The following CDH4 variants were observed in gnomAD, a reference collection of about 807,000 sequenced individuals.
The protein encoded by CDH4 is cadherin-4.
Under a neutral mutation model 86.0 loss-of-function variants are expected in CDH4, and 33 were observed. The ratio of observed to expected loss-of-function variants is 0.38; its 90% confidence interval spans 0.29 to 0.51. The LOEUF (loss-of-function observed/expected upper bound fraction) is 0.51, where lower values mean the gene tolerates loss of function less well. Ranked by LOEUF, CDH4 falls within the 20% of genes least tolerant of loss-of-function variation. The pLI, the probability that CDH4 is intolerant of heterozygous loss-of-function variation, is 0.86. For synonymous variants in CDH4, 555 were observed against 549.4 expected (o/e 1.01, Z -0.14); for missense variants, 1,114 against 1,307.4 (o/e 0.85, Z 2.28).
intron 2 of CDH4, among the ~76,000 whole-genome samples, chr20:61,571,004 T>G (rs1019980496): frequency 2.6e-5 from 4 of 152,140 alleles, no homozygotes; most frequent in African/African-American, 9.7e-5. Flanking sequence ...TGTGTGGGGA[T>G]GCAGAGAGTG....
intron 4 of CDH4, among the ~76,000 whole-genome samples, chr20:61,806,584 C>T (rs557980899): frequency 6.6e-6 from 1 of 151,904 alleles, no homozygotes; most frequent in African/African-American, 2.4e-5. Context: ...CGCACACACA[C>T]ATGCAGTACC....
intron 15 of CDH4, among the ~76,000 whole-genome samples, chr20:61,935,841 G>A (rs1228271495): frequency 3.3e-5 from 5 of 152,104 alleles, no homozygotes; most frequent in South Asian, 2.1e-4. Flanking sequence ...AGCCAAGGTC[G>A]CACCACTGTA....
chr20:61,661,284 C>T (rs960034283), intron 2 of CDH4, among the ~76,000 whole-genome samples: 1 of 152,170 alleles, frequency 6.6e-6, no homozygotes, highest in Admixed American at 6.5e-5. Context: ...CTCTGCAGGG[C>T]CAGCTCAGCC....
chr20:61,817,076 A>G (rs949435165), intron 4 of CDH4, among the ~76,000 whole-genome samples: 9 of 152,356 alleles, frequency 5.9e-5, no homozygotes, highest in Admixed American at 1.3e-4. Flanking sequence ...GGCTGGGCAC[A>G]TGGCGACCCC....
chr20:61,314,726 A>G (rs894138657), intron 2 of CDH4, among the ~76,000 whole-genome samples: 1 of 152,108 alleles, frequency 6.6e-6, no homozygotes, highest in Admixed American at 6.6e-5. Flanking sequence ...ATCCCAATTT[A>G]TCTTCCCAGC....
At chr20:61,799,483 CACCTGTGCCCAGA>C (rs1979718780) in intron 4 of CDH4, among the ~76,000 whole-genome samples, 1 of 152,184 alleles carries the variant, frequency 6.6e-6, no homozygotes, top group African/African-American at 2.4e-5. Flanking sequence ...TAACCATTGG[CACCTGTGCCCAGA>C]GCCTGGGCCT....
intron 2 of CDH4, among the ~76,000 whole-genome samples, chr20:61,411,802 G>A (rs1016228184): frequency 6.6e-6 from 1 of 152,210 alleles, no homozygotes; most frequent in African/African-American, 2.4e-5. Flanking sequence ...AGAGTGGGCA[G>A]CTGGCCGGCA....
At chr20:61,745,094 T>C (rs1393088875) in intron 3 of CDH4, among the ~76,000 whole-genome samples, 1 of 152,164 alleles carries the variant, frequency 6.6e-6, no homozygotes, top group African/African-American at 2.4e-5. Context: ...TGAGATACGG[T>C]GAGCAAAGGA....
intron 2 of CDH4, among the ~76,000 whole-genome samples, chr20:61,528,592 G>A (rs1324719215): frequency 6.6e-6 from 1 of 151,768 alleles, no homozygotes; most frequent in Non-Finnish European, 1.5e-5. Flanking sequence ...AACGTAGAAA[G>A]ACCCCATCTC....
Position 61,753,917 on chromosome 20 carries a change from A to G in CDH4, c.396+10128A>G, listed in dbSNP as rs116322586. ...CCTCAGAACATGACTTAACTTGGAA[A>G]TAGGGGGTTTGCCGATGTAATTAGT... is the stretch of plus-strand genomic sequence containing the variant. On this transcript the variant is annotated intron_variant, in intron 3 of 15. Coordinates refer to ENST00000614565, the MANE Select transcript of CDH4 (RefSeq NM_001794.5). 3.0e-3 allele frequency among the ~76,000 whole-genome samples: 464 copies of G among 152,228 alleles called. 4 individuals carry two copies. The highest frequency in any genetic ancestry group is 0.011 in the African/African-American group (448 of 41,542).
intron 2 of CDH4, among the ~76,000 whole-genome samples, chr20:61,439,962 A>C (rs6061416): frequency 0.17 from 25,547 of 152,210 alleles, 2,239 homozygotes; most frequent in Non-Finnish European, 0.18. Context: ...CATCACTGAG[A>C]TCCATCTCTG....
At chr20:61,585,146 T>C (rs1600782624) in intron 2 of CDH4, among the ~76,000 whole-genome samples, 1 of 152,240 alleles carries the variant, frequency 6.6e-6, no homozygotes, top group South Asian at 2.1e-4. Flanking sequence ...GTGGCAGAGC[T>C]GGATCCCAGC....
At chr20:61,631,567 C>T (rs952621257) in intron 2 of CDH4, among the ~76,000 whole-genome samples, 6 of 152,190 alleles carry the variant, frequency 3.9e-5, no homozygotes, top group Non-Finnish European at 7.3e-5. Flanking sequence ...ATCGCTTAAC[C>T]TCGGGGGCAG....
intron 2 of CDH4, among the ~76,000 whole-genome samples, chr20:61,558,716 C>T (rs546523361): frequency 7.7e-4 from 117 of 152,338 alleles, no homozygotes; most frequent in African/African-American, 2.6e-3. Context: ...CCGTGCGTCC[C>T]GTCTTTGCCC....
chr20:61,492,058 C>G (rs1261418056), intron 2 of CDH4, among the ~76,000 whole-genome samples: 3 of 142,488 alleles, frequency 2.1e-5, no homozygotes, highest in Non-Finnish European at 4.6e-5. Flanking sequence ...ATTGATGTTG[C>G]TGATGGTGGT....
intron 2 of CDH4, among the ~76,000 whole-genome samples, chr20:61,533,421 A>G (rs2085970930): frequency 6.6e-6 from 1 of 152,208 alleles, no homozygotes; most frequent in African/African-American, 2.4e-5. Flanking sequence ...GTCCTGCTGC[A>G]GAGGCAGCTA....
chr20:61,632,365 C>T (rs2086897071), intron 2 of CDH4, among the ~76,000 whole-genome samples: 1 of 152,176 alleles, frequency 6.6e-6, no homozygotes, highest in Non-Finnish European at 1.5e-5. Context: ...CAACAATCGA[C>T]CCTGTGCTTT....
At chr20:61,607,163 A>G (rs2086652156) in intron 2 of CDH4, among the ~76,000 whole-genome samples, 1 of 152,198 alleles carries the variant, frequency 6.6e-6, no homozygotes, top group Non-Finnish European at 1.5e-5. Flanking sequence ...GGATGAAAAA[A>G]CAAACACACC....
At chr20:61,551,940 G>A (rs954058959) in intron 2 of CDH4, among the ~76,000 whole-genome samples, 5 of 152,154 alleles carry the variant, frequency 3.3e-5, no homozygotes, top group Admixed American at 6.5e-5. Flanking sequence ...TGCAAAGAAC[G>A]AAATTGGACC....
Sources: gnomAD v4.1 joint callset for allele counts (sites outside exome capture counted in the v4.1 genomes callset) on GRCh38, gnomAD v4.1.1 for gene constraint, MANE v1.5 for transcripts, NCBI Gene and HGNC (gene_info 2026-07-23, HGNC 2026-07-21) for gene names.